CDK5RAP1: variants seen among roughly 807,000 people sequenced by gnomAD.
CDK5RAP1 encodes mitochondrial tRNA methylthiotransferase CDK5RAP1.
A neutral mutation model predicts 64.5 loss-of-function variants in CDK5RAP1; 62 were observed. The observed-to-expected ratio is 0.96, with a 90% confidence interval of 0.78 to 1.19. CDK5RAP1 has a LOEUF of 1.19. CDK5RAP1 is among the 50% of genes most tolerant of loss of function. The pLI, the probability that CDK5RAP1 is intolerant of heterozygous loss-of-function variation, is 0.00. For missense variants in CDK5RAP1, 657 were observed against 735.0 expected, an observed-to-expected ratio of 0.89 and a Z score of 1.23; for synonymous variants, 250 against 261.9, an observed-to-expected ratio of 0.95 and a Z score of 0.44.
chr20:33,389,731 C>T (rs1461073902), intron 5 of CDK5RAP1, among the ~76,000 whole-genome samples: 1 of 152,150 alleles, frequency 6.6e-6, no homozygotes, highest in Non-Finnish European at 1.5e-5. Context: ...TGAGAACAGA[C>T]CATGATGACG....
At chr20:33,381,964 G>C (rs547639521) in intron 7 of CDK5RAP1, among the ~76,000 whole-genome samples, 9 of 152,168 alleles carry the variant, frequency 5.9e-5, no homozygotes, top group Non-Finnish European at 1.3e-4. Flanking sequence ...AAAGTCTGAA[G>C]AGAGTTAATA....
At chr20:33,383,923 T>C (rs187409797) in intron 7 of CDK5RAP1, among the ~76,000 whole-genome samples, 2 of 152,138 alleles carry the variant, frequency 1.3e-5, no homozygotes, top group East Asian at 1.9e-4. Flanking sequence ...GAAACAAATA[T>C]GGCAAAATGC....
intron 5 of CDK5RAP1, among the ~76,000 whole-genome samples, chr20:33,389,959 G>A (rs1455928821): frequency 1.4e-5 from 2 of 145,078 alleles, no homozygotes; most frequent in African/African-American, 2.6e-5. Flanking sequence ...TTTTTACAAC[G>A]GAGTATTACT....
At chr20:33,384,763 G>A (rs1004990781) in intron 7 of CDK5RAP1, among the ~76,000 whole-genome samples, 12 of 152,098 alleles carry the variant, frequency 7.9e-5, no homozygotes, top group African/African-American at 1.4e-4. Context: ...TTCACTGGGC[G>A]TGGTGGCACC....
intron 12 of CDK5RAP1, among the ~76,000 whole-genome samples, chr20:33,361,212 G>A (rs181476280): frequency 3.0e-4 from 46 of 152,290 alleles, no homozygotes; most frequent in African/African-American, 1.0e-3. Flanking sequence ...CATGCCAGAC[G>A]GGAGCCTGTG....
At chr20:33,374,765 G>C (rs997970485) in intron 8 of CDK5RAP1, among the ~76,000 whole-genome samples, 1 of 151,712 alleles carries the variant, frequency 6.6e-6, no homozygotes, top group Non-Finnish European at 1.5e-5. Flanking sequence ...TGTTGCCCAG[G>C]CTGGACTAGA....
rs140559110 is a variant in CDK5RAP1, at chr20:33,361,821, T to C, written c.1543-1330A>G. Among the ~76,000 whole-genome samples, 99 of 151,824 alleles carry C rather than the reference T, an allele frequency of 6.5e-4. 1 individual carries two copies. The highest frequency in any genetic ancestry group is 2.2e-3 in the African/African-American group (93 of 41,408). On this transcript the variant is annotated intron_variant, in intron 12 of 13. Coordinates refer to ENST00000346416, the MANE Select transcript of CDK5RAP1 (RefSeq NM_016408.4). ...AAACACAAAAATTAGCCGGGTGTGG[T>C]GGCGCACATCTGTAGTCCCAGTGAC...
chr20:33,379,465 T>C lies in CDK5RAP1; in HGVS notation c.1103A>G (p.Asp368Gly). The C allele has an allele frequency of 6.2e-7, 1 of 1,607,736 alleles. No homozygotes were observed. The highest frequency in any genetic ancestry group is 8.5e-7 in the Non-Finnish European group (1 of 1,174,362). ...CACAGCTAACCTGACGCTCACCTCA[T>C]CAGGAAAATCCTTGGGGTGGGGAGA... is the stretch of plus-strand genomic sequence containing the variant. ...FTSPHPKDFP[D>G]EVLQLIHERD... The change falls in exon 8 of 14, where the codon GAT (aspartate) becomes GGT (glycine). Residue 368 changes from aspartate to glycine, a missense_variant. Asp to Gly is a moderately conservative substitution (Grantham distance 94). Transcript: ENST00000346416.
chr20:33,398,458 C>T (rs891517912), intron 1 of CDK5RAP1, among the ~76,000 whole-genome samples: 4 of 152,184 alleles, frequency 2.6e-5, no homozygotes, highest in Admixed American at 2.6e-4. Flanking sequence ...CACGCCACTG[C>T]ACTCTAGCCT....
chr20:33,372,819 C>A (rs754522848), intron 9 of CDK5RAP1, 122 bp from the exon 10 acceptor site: 6 of 641,374 alleles, frequency 9.4e-6, no homozygotes, highest in Admixed American at 2.8e-5. Context: ...GCAGGGCACA[C>A]GAGTAAATTA....
At chr20:33,364,186 AGCTT>A (rs1983452175) in intron 12 of CDK5RAP1, among the ~76,000 whole-genome samples, 4 of 128,990 alleles carry the variant, frequency 3.1e-5, no homozygotes, top group Non-Finnish European at 5.1e-5. Context: ...CTGAAGAAAT[AGCTT>A]TTTTTTTTTT....
chr20:33,381,853 T>C (rs1986794845), intron 7 of CDK5RAP1, among the ~76,000 whole-genome samples: 2 of 152,210 alleles, frequency 1.3e-5, no homozygotes, highest in South Asian at 2.1e-4. Flanking sequence ...TGTGACATAC[T>C]GTTAATCTAA....
intron 1 of CDK5RAP1, among the ~76,000 whole-genome samples, chr20:33,400,687 C>A (rs1989323789): frequency 6.6e-6 from 1 of 152,030 alleles, no homozygotes; most frequent in Non-Finnish European, 1.5e-5. Flanking sequence ...TGGTGGTATG[C>A]GCCTGTAATC....
At chr20:33,377,016 A>G (rs914169585) in intron 8 of CDK5RAP1, among the ~76,000 whole-genome samples, 1 of 152,154 alleles carries the variant, frequency 6.6e-6, no homozygotes, top group Non-Finnish European at 1.5e-5. Flanking sequence ...GCTTCAACTT[A>G]AAGTCACCAG....
rs550911607 is a variant in CDK5RAP1 at position 33,361,033 on chromosome 20, C to G, written c.1543-542G>C. On this transcript the variant is annotated intron_variant, in intron 12 of 13. Coordinates refer to ENST00000346416, the MANE Select transcript of CDK5RAP1 (RefSeq NM_016408.4). Reference sequence around the variant, plus strand: ...TTCTCTTCCAGCCATGGTAAAGAGACAGAAACAAGTTTACCCTTCAGCCTT... The same window carrying G: ...TTCTCTTCCAGCCATGGTAAAGAGAGAGAAACAAGTTTACCCTTCAGCCTT... 6.4e-4 allele frequency among the ~76,000 whole-genome samples: 98 copies of G among 152,196 alleles called. 1 individual carries two copies. The highest frequency in any genetic ancestry group is 3.7e-3 in the Admixed American group (57 of 15,284).
intron 1 of CDK5RAP1, among the ~76,000 whole-genome samples, chr20:33,398,580 G>GT (rs1989113189): frequency 6.6e-6 from 1 of 152,114 alleles, no homozygotes; most frequent in Non-Finnish European, 1.5e-5. Flanking sequence ...TAAAGGACTA[G>GT]TTAAGTAAGT....
chr20:33,389,759 T>C (rs933298268), intron 5 of CDK5RAP1, among the ~76,000 whole-genome samples: 9 of 152,076 alleles, frequency 5.9e-5, no homozygotes, highest in South Asian at 2.1e-4. Context: ...TTTTGTTGAA[T>C]AGAAAAGGGG....
In CDK5RAP1 at chr20:33,395,273, G is replaced by T. The variant is rs1600810461; in HGVS notation, c.305-157C>A. On this transcript the variant is annotated intron_variant, in intron 2 of 13. Transcript: ENST00000346416. The stretch of plus-strand genomic sequence containing the variant: ...AATCTTAAGATAACATAAATTGCCA[G>T]ATGTACCCCCAAGTTAATGATAGAC... Among the ~76,000 whole-genome samples, 3 of 152,256 alleles carry T rather than the reference G, an allele frequency of 2.0e-5. No homozygotes were observed. In the Middle Eastern group the frequency reaches 0.01, roughly 518 times the overall value.
chr20:33,388,146 C>T (rs1192968509), intron 5 of CDK5RAP1, among the ~76,000 whole-genome samples: 1 of 151,992 alleles, frequency 6.6e-6, no homozygotes, highest in African/African-American at 2.4e-5. Context: ...CTGAAAATTA[C>T]TTAGTGCTGA....
Sources: gnomAD v4.1 joint callset for allele counts (sites outside exome capture counted in the v4.1 genomes callset) on GRCh38, gnomAD v4.1.1 for gene constraint, MANE v1.5 for transcripts, NCBI Gene and HGNC (gene_info 2026-07-23, HGNC 2026-07-21) for gene names.